Variants in FNDC3A observed in about 807,000 individuals in gnomAD.
FNDC3A encodes the protein fibronectin type III domain containing 3A.
Under a neutral mutation model 148.9 loss-of-function variants are expected in FNDC3A, and 32 were observed. The observed-to-expected ratio is 0.21, with a 90% CI of 0.16 to 0.29. The LOEUF (loss-of-function observed/expected upper bound fraction) is 0.29, where lower values mean the gene tolerates loss of function less well. FNDC3A is among the 10% of genes least tolerant of loss of function. FNDC3A has a pLI of 1.00. For synonymous variants in FNDC3A, 472 were observed against 473.6 expected (o/e 1.00, Z 0.04); for missense variants, 1,191 against 1,452.8 (o/e 0.82, Z 2.93).
chr13:49,171,320 A>T (rs1566303841), intron 10 of FNDC3A, among the ~76,000 whole-genome samples: 1 of 152,202 alleles, frequency 6.6e-6, no homozygotes, highest in Non-Finnish European at 1.5e-5. Flanking sequence ...TCAAAAATTA[A>T]AATGGTTTAA....
chr13:49,017,540 C>G (rs1872902665), intron 2 of FNDC3A, among the ~76,000 whole-genome samples: 2 of 152,152 alleles, frequency 1.3e-5, no homozygotes, highest in South Asian at 4.1e-4. Context: ...ACTGATGGGT[C>G]CTGACTTTTT....
intron 2 of FNDC3A, among the ~76,000 whole-genome samples, chr13:49,066,192 G>A (rs1334777235): frequency 6.6e-6 from 1 of 152,074 alleles, no homozygotes; most frequent in Non-Finnish European, 1.5e-5. Flanking sequence ...CTGTATTCCT[G>A]TATTCGTTTT....
At chr13:49,185,865 CA>C in intron 14 of FNDC3A, 98 bp from the exon 15 acceptor site, 1 of 880,138 alleles carries the variant, frequency 1.1e-6, no homozygotes, top group Non-Finnish European at 1.8e-6. Context: ...TGTATTTTAT[CA>C]TTTGGTTGAA....
Position 49,108,744 on chromosome 13 carries a change from A to G in FNDC3A, c.176-5911A>G, listed in dbSNP as rs186325528. Among the ~76,000 whole-genome samples the G allele has an allele frequency of 6.1e-3, 934 of 152,282 alleles. 14 individuals carry two copies. Among genetic ancestry groups the G allele is most frequent in the African/African-American group, 0.021 (886 of 41,556 alleles). On this transcript the variant is annotated intron_variant, in intron 3 of 25. Coordinates refer to ENST00000492622, the MANE Select transcript of FNDC3A (RefSeq NM_001079673.2). ...AGATCAGAGACATGGTCGGATTTACAGGGGGGCTGGGTCTAACGTATATGA... is the reference window on the plus strand; with the variant it reads ...AGATCAGAGACATGGTCGGATTTACGGGGGGGCTGGGTCTAACGTATATGA...
intron 2 of FNDC3A, among the ~76,000 whole-genome samples, chr13:49,056,046 G>T (rs1876213027): frequency 6.6e-6 from 1 of 152,018 alleles, no homozygotes; most frequent in African/African-American, 2.4e-5. Context: ...AATTAACTGG[G>T]TGTAGTGGCA....
At position 49,207,665 on chromosome 13, in the gene FNDC3A, T is replaced by C; in HGVS notation, c.*270T>C. 6.4e-6 allele frequency: 2 copies of C among 312,204 alleles called. No homozygotes were observed. The highest frequency in any genetic ancestry group is 2.2e-5 in the African/African-American group (1 of 45,884). The allele number at this position is 312,204 out of a possible 1,614,324, so 19.3% of individuals were successfully genotyped here. On this transcript the variant is annotated 3_prime_UTR_variant, in exon 26 of 26. Transcript: ENST00000492622. Reference sequence around the variant, plus strand: ...TCTTTTTTTAACAAATGCCTTCTTATAGAAAAACTTTCTAAGAGGCAACAA... The same window carrying C: ...TCTTTTTTTAACAAATGCCTTCTTACAGAAAAACTTTCTAAGAGGCAACAA...
chr13:49,143,957 C>T lies in FNDC3A; in HGVS notation c.820-1821C>T, dbSNP rs1408378847. Among the ~76,000 whole-genome samples the T allele has an allele frequency of 3.3e-5, 5 of 151,134 alleles. No individual in the cohort carries two copies. The South Asian group carries it at 1.0e-3, about 31-fold the overall frequency. ...GCCAGGAGCTCGAGACCATCCTGGG[C>T]AACATAGCAAGACCCCATCTTTACT... On this transcript the variant is annotated intron_variant, in intron 7 of 25. Coordinates refer to ENST00000492622, the MANE Select transcript of FNDC3A (RefSeq NM_001079673.2).
chr13:49,181,706 A>G (rs1324627874), intron 14 of FNDC3A, among the ~76,000 whole-genome samples: 1 of 152,210 alleles, frequency 6.6e-6, no homozygotes, highest in African/African-American at 2.4e-5. Context: ...TATCAAAATA[A>G]AATCTTAATA....
intron 19 of FNDC3A, among the ~76,000 whole-genome samples, chr13:49,195,307 G>GTTTT: frequency 6.6e-6 from 1 of 152,192 alleles, no homozygotes; most frequent in African/African-American, 2.4e-5. Context: ...TTATAAAACA[G>GTTTT]TTACGTTCAC....
intron 17 of FNDC3A, 118 bp downstream of exon 17, chr13:49,188,751 G>A: frequency 1.4e-6 from 1 of 705,216 alleles, no homozygotes; most frequent in Non-Finnish European, 2.5e-6. Context: ...AGTAACTTCT[G>A]TAACCTGTTG....
At chr13:49,191,451 A>C in intron 19 of FNDC3A, 67 bp downstream of exon 19, 1 of 1,312,986 alleles carries the variant, frequency 7.6e-7, no homozygotes, top group Non-Finnish European at 1.0e-6. Context: ...AACATATATC[A>C]TCATATCCAT....
At chr13:49,115,717 C>G (rs369504972) in intron 4 of FNDC3A, among the ~76,000 whole-genome samples, 1 of 152,140 alleles carries the variant, frequency 6.6e-6, no homozygotes, top group African/African-American at 2.4e-5. Flanking sequence ...CTGAAATTAC[C>G]TTGTAAGCTT....
At chr13:49,190,060 G>A (rs551530995) in intron 17 of FNDC3A, among the ~76,000 whole-genome samples, 2 of 152,088 alleles carry the variant, frequency 1.3e-5, no homozygotes, top group East Asian at 1.9e-4. Context: ...CTACTTTTTT[G>A]TATTTTTAGT....
Position 49,168,646 on chromosome 13 carries a change from T to A in FNDC3A, c.1071T>A (p.Thr357=). Residue 357 remains threonine, a synonymous_variant, in exon 10 of 26, where the codon ACT becomes ACA. Coordinates refer to ENST00000492622, the MANE Select transcript of FNDC3A (RefSeq NM_001079673.2). ...CAGAATATAATTCTATAAAGGGAAC[T>A]CCTTCAGAGGCTGAAATCTTTACCA... is the stretch of plus-strand genomic sequence containing the variant. ...VQAEYNSIKG[T]PSEAEIFTTL... is the part of the protein sequence containing the mutation. The A allele has an allele frequency of 1.2e-6, 2 of 1,611,436 alleles. No homozygotes were observed. The highest frequency in any genetic ancestry group is 2.2e-5 in the South Asian group (2 of 91,040).
intron 2 of FNDC3A, among the ~76,000 whole-genome samples, chr13:49,041,503 C>T (rs959261089): frequency 2.0e-5 from 3 of 152,130 alleles, no homozygotes; most frequent in Non-Finnish European, 2.9e-5. Context: ...ATTCATTGAA[C>T]GAAAGTTTAT....
intron 3 of FNDC3A, among the ~76,000 whole-genome samples, chr13:49,099,890 T>C (rs1879757389): frequency 6.6e-6 from 1 of 152,118 alleles, no homozygotes; most frequent in Admixed American, 6.6e-5. Flanking sequence ...TTTCTTAATA[T>C]AAATGTTGTA....
At chr13:49,058,822 C>T (rs1566220372) in intron 2 of FNDC3A, among the ~76,000 whole-genome samples, 3 of 152,216 alleles carry the variant, frequency 2.0e-5, no homozygotes, top group Admixed American at 6.5e-5. Context: ...CTCTTTTCCT[C>T]AAGCTAATAT....
chr13:49,173,991 A>C (rs893566213), intron 11 of FNDC3A, among the ~76,000 whole-genome samples: 1 of 152,142 alleles, frequency 6.6e-6, no homozygotes, highest in Non-Finnish European at 1.5e-5. Flanking sequence ...ATTTTAAAGA[A>C]GTTTATGAGC....
chr13:49,002,129 C>G (rs1253128980), intron 1 of FNDC3A, among the ~76,000 whole-genome samples: 1 of 152,186 alleles, frequency 6.6e-6, no homozygotes, highest in African/African-American at 2.4e-5. Flanking sequence ...CTATCAGGGG[C>G]AGGTTCCCCC....
Sources: gnomAD v4.1 joint callset for allele counts (sites outside exome capture counted in the v4.1 genomes callset) on GRCh38, gnomAD v4.1.1 for gene constraint, MANE v1.5 for transcripts, NCBI Gene and HGNC (gene_info 2026-07-23, HGNC 2026-07-21) for gene names.